The following FRZB variants were observed in gnomAD, a reference collection of about 807,000 sequenced individuals.
FRZB encodes frizzled related protein, also known as secreted frizzled-related protein 3.
FRZB carries 34 observed loss-of-function variants against 32.5 expected under a neutral mutation model. The ratio of observed to expected loss-of-function variants is 1.05; its 90% CI spans 0.80 to 1.39. The LOEUF is 1.39. FRZB is among the 40% of genes most tolerant of loss of function. The pLI is 0.00. For missense variants in FRZB, 423 were observed against 424.8 expected (o/e 1.00, Z 0.04); for synonymous variants, 170 against 159.2 (o/e 1.07, Z -0.51).
intron 2 of FRZB, among the ~76,000 whole-genome samples, chr2:182,850,949 A>G (rs1559049242): frequency 6.6e-6 from 1 of 152,022 alleles, no homozygotes; most frequent in African/African-American, 2.4e-5. Context: ...TGTGGTTTTG[A>G]TTTGCATTTA....
At chr2:182,841,902 A>G (rs1287810906) in intron 3 of FRZB, among the ~76,000 whole-genome samples, 1 of 152,162 alleles carries the variant, frequency 6.6e-6, no homozygotes, top group Non-Finnish European at 1.5e-5. Flanking sequence ...TGTCAGCTAC[A>G]TTTGGATTGG....
At chr2:182,835,295 C>T (rs1363817245) in intron 5 of FRZB, among the ~76,000 whole-genome samples, 1 of 151,968 alleles carries the variant, frequency 6.6e-6, no homozygotes, top group Non-Finnish European at 1.5e-5. Flanking sequence ...GAGGCTAGTG[C>T]TTCACAGATA....
chr2:182,850,807 T>C (rs911320534), intron 2 of FRZB, among the ~76,000 whole-genome samples: 5 of 152,212 alleles, frequency 3.3e-5, no homozygotes, highest in Non-Finnish European at 7.3e-5. Context: ...CCCTATTGTT[T>C]TCCTTAGTGG....
At chr2:182,841,779 AG>A (rs1695588301) in intron 3 of FRZB, among the ~76,000 whole-genome samples, 1 of 152,164 alleles carries the variant, frequency 6.6e-6, no homozygotes, top group African/African-American at 2.4e-5. Context: ...GATAAAATCA[AG>A]ATGGTAATAT....
intron 2 of FRZB, among the ~76,000 whole-genome samples, chr2:182,856,305 G>A (rs1574987867): frequency 6.6e-6 from 1 of 151,912 alleles, no homozygotes. Flanking sequence ...ATATGTAATT[G>A]TTAAAAGAAA....
chr2:182,850,224 T>A (rs1473430413), intron 2 of FRZB, among the ~76,000 whole-genome samples: 1 of 152,226 alleles, frequency 6.6e-6, no homozygotes, highest in African/African-American at 2.4e-5. Flanking sequence ...TTCCTCTTTA[T>A]GCTGTGAACA....
Position 182,833,709 on chromosome 2 carries a change from G to C in FRZB, c.*1140C>G, listed in dbSNP as rs1433993943. ...CTGACAACCATAATTCATTTTACTA[G>C]ACATTTTTCGCTGAGCATTAAGCAG... On this transcript the variant is annotated 3_prime_UTR_variant, in exon 6 of 6. Coordinates refer to ENST00000295113, the MANE Select transcript of FRZB (RefSeq NM_001463.4). 1 of 152,052 alleles carries C rather than the reference G, an allele frequency of 6.6e-6. No individual in the cohort carries two copies. The highest frequency in any genetic ancestry group is 6.6e-5 in the Admixed American group (1 of 15,248). The allele number at this position is 152,052 out of a possible 1,614,324, so 9.4% of individuals were successfully genotyped here. A position where few individuals can be genotyped will look rare whatever the true frequency, so the allele number is the denominator to read the frequency against.
In FRZB at chr2:182,859,365, C is replaced by T. The variant is rs551488174; in HGVS notation, c.479-532G>A. 2.6e-5 allele frequency among the ~76,000 whole-genome samples: 4 copies of T among 152,198 alleles called. No homozygotes were observed. The South Asian group carries it at 8.3e-4, about 32-fold the overall frequency. Reference sequence around the variant, plus strand: ...TATTCAGGGACTATTCAAGCCAGTGCAATTAATAGATGTGACAATAATTAG... The same window carrying T: ...TATTCAGGGACTATTCAAGCCAGTGTAATTAATAGATGTGACAATAATTAG... On this transcript the variant is annotated intron_variant, in intron 1 of 5. Coordinates refer to ENST00000295113, the MANE Select transcript of FRZB (RefSeq NM_001463.4).
At chr2:182,850,098 T>C (rs1695693454) in intron 2 of FRZB, among the ~76,000 whole-genome samples, 1 of 152,222 alleles carries the variant, frequency 6.6e-6, no homozygotes. Context: ...AAGTGTCCCT[T>C]ATATTTTTTA....
At chr2:182,858,640 T>A in intron 2 of FRZB, 146 bp downstream of exon 2, 2 of 537,088 alleles carry the variant, frequency 3.7e-6, no homozygotes, top group Non-Finnish European at 6.4e-6. Flanking sequence ...ATTTTAAAAA[T>A]AAAATTAATA....
At chr2:182,863,195 A>T (rs1695853118) in intron 1 of FRZB, among the ~76,000 whole-genome samples, 1 of 151,902 alleles carries the variant, frequency 6.6e-6, no homozygotes, top group East Asian at 1.9e-4. Context: ...GGGCAGAGTC[A>T]TTCACACCTG....
chr2:182,866,247 G>A lies in FRZB; in HGVS notation c.306C>T (p.His102=). The change falls in exon 1 of 6, where the codon CAC becomes CAT. Residue 102 remains histidine (H), a synonymous_variant. Transcript: ENST00000295113. The surrounding 1 kb of genome is among the most constrained non-coding windows in gnomAD (Gnocchi z 4.5). ...YAPICTIDFQ[H]EPIKPCKSVC... ...CAGACTTACAGGGCTTGATGGGCTC[G>A]TGCTGGAAGTCAATGGTGCAGATGG... The A allele has an allele frequency of 6.2e-7, 1 of 1,614,198 alleles. No homozygotes were observed. The highest frequency in any genetic ancestry group is 8.5e-7 in the Non-Finnish European group (1 of 1,180,034).
At chr2:182,848,070 TA>T (rs11361784) in intron 2 of FRZB, among the ~76,000 whole-genome samples, 94,939 of 139,904 alleles carry the variant, frequency 0.68, 30,982 homozygotes, top group Middle Eastern at 0.71. Context: ...CTCAACATGG[TA>T]AAAAAAAAAA....
intron 5 of FRZB, 109 bp downstream of exon 5, chr2:182,837,839 T>C: frequency 1.3e-6 from 1 of 774,810 alleles, no homozygotes; most frequent in South Asian, 1.6e-5. Context: ...TAAATTTTAA[T>C]ATTTCTCATA....
Position 182,834,732 on chromosome 2 carries a change from A to T in FRZB, c.*117T>A. On this transcript the variant is annotated 3_prime_UTR_variant, in exon 6 of 6. Coordinates refer to ENST00000295113, the MANE Select transcript of FRZB (RefSeq NM_001463.4). ...AGAAGTAATAATCAGTTATCACATGATTTTTATAGTAAACAATAGAATATG... is the reference window on the plus strand; with the variant it reads ...AGAAGTAATAATCAGTTATCACATGTTTTTTATAGTAAACAATAGAATATG... 3.9e-6 allele frequency: 3 copies of T among 769,308 alleles called. No homozygotes were observed. Among genetic ancestry groups the T allele is most frequent in the Non-Finnish European group, 7.0e-6 (3 of 428,938 alleles). The allele number at this position is 769,308 out of a possible 1,614,324, so 47.7% of individuals were successfully genotyped here. A position where few individuals can be genotyped will look rare whatever the true frequency, so the allele number is the denominator to read the frequency against.
At chr2:182,853,437 G>A (rs929347028) in intron 2 of FRZB, among the ~76,000 whole-genome samples, 11 of 152,102 alleles carry the variant, frequency 7.2e-5, no homozygotes, top group Non-Finnish European at 1.0e-4. Flanking sequence ...GAGCTTTTCA[G>A]TTCGGGTTGA....
chr2:182,866,567 G>C lies in FRZB; in HGVS notation c.-15C>G, dbSNP rs1695896028. 2 of 1,435,338 alleles carry C rather than the reference G, an allele frequency of 1.4e-6. No individual in the cohort carries two copies. The highest frequency in any genetic ancestry group is 2.9e-5 in the South Asian group (2 of 68,406). The allele number at this position is 1,435,338 out of a possible 1,614,324, so 88.9% of individuals were successfully genotyped here. A position where few individuals can be genotyped will look rare whatever the true frequency, so the allele number is the denominator to read the frequency against. ...CCGCAGACCATGATCCCGGCAGGATGGGGCAGGGTGCAGCCGCGCAGTGGA... is the reference window on the plus strand; with the variant it reads ...CCGCAGACCATGATCCCGGCAGGATCGGGCAGGGTGCAGCCGCGCAGTGGA... On this transcript the variant is annotated 5_prime_UTR_variant, in exon 1 of 6. Transcript: ENST00000295113. The surrounding 1 kb of genome is among the most constrained non-coding windows in gnomAD (Gnocchi z 4.5).
At position 182,862,439 on chromosome 2, in the gene FRZB, C is replaced by T. The variant is rs190347859; in HGVS notation, c.479-3606G>A. ...CCACCAGACTCATTCTTTTTTCTGT[C>T]GCTCCCAAGGGGATCTGCTCTTGAG... On this transcript the variant is annotated intron_variant, in intron 1 of 5. Transcript: ENST00000295113. Among the ~76,000 whole-genome samples, 84 of 152,258 alleles carry T rather than the reference C, an allele frequency of 5.5e-4. 1 individual carries two copies. Among genetic ancestry groups the T allele is most frequent in the Admixed American group, 1.1e-3 (17 of 15,296 alleles).
At chr2:182,863,245 C>G (rs1352027149) in intron 1 of FRZB, among the ~76,000 whole-genome samples, 1 of 152,166 alleles carries the variant, frequency 6.6e-6, no homozygotes, top group Non-Finnish European at 1.5e-5. Context: ...ACTCACCACA[C>G]AATATTAAAG....
Sources: gnomAD v4.1 joint callset for allele counts (sites outside exome capture counted in the v4.1 genomes callset) on GRCh38, gnomAD v4.1.1 for gene constraint, Gnocchi (gnomAD v3.1) non-coding constraint, MANE v1.5 for transcripts, NCBI Gene and HGNC (gene_info 2026-07-23, HGNC 2026-07-21) for gene names.